The following CHD6 variants were observed in gnomAD, a reference collection of about 807,000 sequenced individuals.
CHD6 encodes the protein ATP-dependent chromatin remodeler CHD6.
Under a neutral mutation model 276.9 loss-of-function variants are expected in CHD6, and 50 were observed. The observed-to-expected ratio is 0.18, with a 90% confidence interval of 0.14 to 0.23. The LOEUF is 0.23. Ranked by LOEUF, CHD6 falls within the 10% of genes least tolerant of loss-of-function variation. The probability of loss-of-function intolerance (pLI) is 1.00; values close to 1 mark genes in which losing one functional copy is unlikely to be tolerated. For synonymous variants in CHD6, 1,173 were observed against 1,229.3 expected (o/e 0.95, Z 0.96); for missense variants, 2,564 against 3,365.8 (o/e 0.76, Z 5.89).
chr20:41,481,652 T>C (rs1600971385), intron 16 of CHD6, among the ~76,000 whole-genome samples: 1 of 152,124 alleles, frequency 6.6e-6, no homozygotes, highest in East Asian at 1.9e-4. Context: ...AAATACTGAG[T>C]GTATCAAATG....
chr20:41,446,333 G>A (rs1440035099), intron 24 of CHD6, among the ~76,000 whole-genome samples: 2 of 152,130 alleles, frequency 1.3e-5, no homozygotes, highest in African/African-American at 2.4e-5. Flanking sequence ...CCTGGCAGTG[G>A]TCTATTAGAT....
intron 17 of CHD6, among the ~76,000 whole-genome samples, chr20:41,465,054 A>G (rs557558177): frequency 3.0e-4 from 46 of 152,352 alleles, no homozygotes; most frequent in African/African-American, 1.1e-3. Context: ...AATTCTTACT[A>G]ATAAATGTAG....
At chr20:41,546,930 C>A (rs2045054184) in intron 2 of CHD6, among the ~76,000 whole-genome samples, 1 of 152,128 alleles carries the variant, frequency 6.6e-6, no homozygotes, top group Admixed American at 6.5e-5. Flanking sequence ...TCCTATTATG[C>A]CCTTTCTGGT....
chr20:41,591,735 G>T (rs2045663522), intron 1 of CHD6, among the ~76,000 whole-genome samples: 2 of 152,050 alleles, frequency 1.3e-5, no homozygotes, highest in Middle Eastern at 3.4e-3. Flanking sequence ...AGAAAATACG[G>T]CTGCAACCAT....
chr20:41,451,880 C>T lies in CHD6; in HGVS notation c.3469G>A (p.Glu1157Lys), dbSNP rs1291568802. The change falls in exon 22 of 37, where the codon GAA (glutamate) becomes AAA (lysine). Residue 1157 changes from glutamate to lysine, a missense_variant. Around this residue, in one of 7 missense-constraint regions of CHD6, gnomAD observed 515 missense variants for 739.5 expected, o/e 0.70. Coordinates refer to ENST00000373233, the MANE Select transcript of CHD6 (RefSeq NM_032221.5). ...CCATCTTTGGTAGGTGTGATCAGTT[C>T]CCAAATGAAACTCTTGATCTTCTCG... ...GDEKIKSFIW[E>K]LITPTKDGQA... 1 of 1,614,146 alleles carries T rather than the reference C, an allele frequency of 6.2e-7. No homozygotes were observed. Among genetic ancestry groups the T allele is most frequent in the Non-Finnish European group, 8.5e-7 (1 of 1,180,008 alleles).
chr20:41,491,851 G>A (rs1003678309), intron 10 of CHD6, 32 bp from the exon 11 acceptor site: 3 of 1,611,614 alleles, frequency 1.9e-6, no homozygotes, highest in Non-Finnish European at 2.5e-6. Context: ...ATAATAGATA[G>A]AGAATGATGT....
intron 1 of CHD6, among the ~76,000 whole-genome samples, chr20:41,563,587 T>G (rs1212384314): frequency 1.3e-5 from 2 of 152,130 alleles, no homozygotes; most frequent in African/African-American, 4.8e-5. Context: ...TCATCTTCCT[T>G]GGTCAGAAAA....
At chr20:41,518,122 A>G (rs767520476) in intron 3 of CHD6, among the ~76,000 whole-genome samples, 3 of 152,236 alleles carry the variant, frequency 2.0e-5, no homozygotes, top group Non-Finnish European at 4.4e-5. Flanking sequence ...AGTCACCCTA[A>G]TAATCACATG....
intron 6 of CHD6, among the ~76,000 whole-genome samples, chr20:41,498,560 C>T (rs1913579739): frequency 6.6e-6 from 1 of 152,138 alleles, no homozygotes; most frequent in Admixed American, 6.5e-5. Flanking sequence ...TCTGGCACCC[C>T]ACTAACGCTT....
At chr20:41,532,267 A>C (rs1422947977) in intron 3 of CHD6, among the ~76,000 whole-genome samples, 2 of 152,154 alleles carry the variant, frequency 1.3e-5, no homozygotes, top group Non-Finnish European at 2.9e-5. Context: ...AGCACTTGTC[A>C]ATGTGTCAAG....
Position 41,413,377 on chromosome 20 carries a change from C to A in CHD6, c.7078G>T (p.Asp2360Tyr). The A allele has an allele frequency of 1.2e-6, 2 of 1,611,972 alleles. No homozygotes were observed. Among genetic ancestry groups the A allele is most frequent in the South Asian group, 2.2e-5 (2 of 90,916 alleles). ...TAGTCAGCCTGCTGCCTTAGCCAGT[C>A]AAGCAGACTCTTGCTGGGAATGGAT... ...EKSIPSKSLL[D>Y]WLRQQADYSL... Residue 2360 changes from aspartate to tyrosine, a missense_variant, in exon 35 of 37, where the codon GAC becomes TAC. By Grantham distance (160) the Asp-to-Tyr change is radical (BLOSUM62 -3). Transcript: ENST00000373233.
intron 36 of CHD6, among the ~76,000 whole-genome samples, chr20:41,410,899 G>A (rs144563497): frequency 5.3e-5 from 8 of 152,220 alleles, no homozygotes; most frequent in Non-Finnish European, 1.0e-4. Context: ...CCTTGATGGC[G>A]TATCTGAGAC....
intron 14 of CHD6, among the ~76,000 whole-genome samples, chr20:41,485,356 A>G (rs1461880440): frequency 2.0e-5 from 3 of 152,200 alleles, no homozygotes; most frequent in Non-Finnish European, 4.4e-5. Flanking sequence ...GAGCTAAAAC[A>G]TGATACCGGT....
At chr20:41,529,310 A>G (rs2044621875) in intron 3 of CHD6, among the ~76,000 whole-genome samples, 1 of 152,226 alleles carries the variant, frequency 6.6e-6, no homozygotes, top group South Asian at 2.1e-4. Flanking sequence ...TTTGTTGAGG[A>G]AAACAAGTCA....
chr20:41,445,629 T>A (rs921414820), intron 25 of CHD6, 36 bp downstream of exon 25: 16 of 1,409,042 alleles, frequency 1.1e-5, no homozygotes, highest in Non-Finnish European at 1.6e-5. Context: ...TGGGGGAAAC[T>A]GATACAGAAG....
At chr20:41,459,064 T>C (rs2048463688) in intron 17 of CHD6, among the ~76,000 whole-genome samples, 1 of 152,040 alleles carries the variant, frequency 6.6e-6, no homozygotes, top group Non-Finnish European at 1.5e-5. Flanking sequence ...CTGTTTGAGT[T>C]GGATTTGAAG....
rs191106176 is a variant in CHD6 at position 41,444,424 on chromosome 20, G to A, written c.3877+1241C>T. Among the ~76,000 whole-genome samples the A allele has an allele frequency of 4.3e-4, 66 of 152,290 alleles. No individual in the cohort carries two copies. In the East Asian group the frequency reaches 0.012, roughly 28 times the overall value. On this transcript the variant is annotated intron_variant, in intron 25 of 36. Transcript: ENST00000373233. ...TTCCACAGCAGACAGTGCAGAATTA[G>A]GGCATGTCTATGATTGCATGTAGTT...
At chr20:41,410,898 C>G (rs1266022655) in intron 36 of CHD6, among the ~76,000 whole-genome samples, 1 of 152,014 alleles carries the variant, frequency 6.6e-6, no homozygotes, top group Non-Finnish European at 1.5e-5. Flanking sequence ...CCCTTGATGG[C>G]GTATCTGAGA....
intron 3 of CHD6, among the ~76,000 whole-genome samples, chr20:41,523,104 G>C (rs574851502): frequency 1.3e-5 from 2 of 152,262 alleles, no homozygotes; most frequent in East Asian, 3.9e-4. Context: ...ACAGGCACAG[G>C]GGGTCACTGA....
Sources: allele counts gnomAD v4.1 joint callset (sites outside exome capture counted in the v4.1 genomes callset), GRCh38; gene constraint gnomAD v4.1.1; regional missense constraint gnomAD v4.1.1; transcripts MANE v1.5; gene names NCBI Gene and HGNC (gene_info 2026-07-23, HGNC 2026-07-21).